The following CD99 variants were observed in gnomAD, a reference collection of about 807,000 sequenced individuals.
CD99 encodes CD99 antigen.
Under a neutral mutation model 28.4 loss-of-function variants are expected in CD99, and 19 were observed. The ratio of observed to expected loss-of-function variants is 0.67; its 90% confidence interval spans 0.47 to 0.98. The LOEUF is 0.98. Among genes scored for constraint, CD99 ranks in the 50% least tolerant of loss-of-function variants. CD99 has a pLI of 0.00. For missense variants in CD99, 283 were observed against 248.8 expected, an observed-to-expected ratio of 1.14 and a Z score of -0.92; for synonymous variants, 103 against 92.1, an observed-to-expected ratio of 1.12 and a Z score of -0.67.
intron 8 of CD99, among the ~76,000 whole-genome samples, chrX:2,734,892 C>T (rs993985598): frequency 1.5e-4 from 23 of 151,476 alleles, no homozygotes; most frequent in African/African-American, 5.6e-4. Flanking sequence ...TATGGTTGAG[C>T]CGTAGTTCTA....
At chrX:2,702,125 C>G (rs2047891392) in intron 1 of CD99, among the ~76,000 whole-genome samples, 1 of 152,164 alleles carries the variant, frequency 6.6e-6, no homozygotes, top group South Asian at 2.1e-4. Context: ...CAGATCACCT[C>G]TGGTAATACT....
intron 1 of CD99, among the ~76,000 whole-genome samples, chrX:2,695,559 A>G (rs2124460274): frequency 6.6e-6 from 1 of 151,962 alleles, no homozygotes; most frequent in African/African-American, 2.4e-5. Context: ...CTACAAGCAC[A>G]CACCACTGTG....
At chrX:2,727,269 T>G (rs1432919099) in intron 8 of CD99, 1 of 777,884 alleles carries the variant, frequency 1.3e-6, no homozygotes, top group South Asian at 1.4e-5. Context: ...GAGGAGGACG[T>G]ACTCACCATT....
rs1026867877 is a variant in CD99, at chrX:2,741,069, G to A, written c.*265G>A. On this transcript the variant is annotated 3_prime_UTR_variant, in exon 10 of 10. Transcript: ENST00000381192. Reference sequence around the variant, plus strand: ...GGCGGTTTCCCATGGGATGTGAAAGGCTGGCCATTATTAAGTCCCTGTAAC... The same window carrying A: ...GGCGGTTTCCCATGGGATGTGAAAGACTGGCCATTATTAAGTCCCTGTAAC... The A allele has an allele frequency of 3.7e-6, 2 of 534,272 alleles. No homozygotes were observed. The highest frequency in any genetic ancestry group is 3.8e-5 in the African/African-American group (2 of 52,610). The allele number at this position is 534,272 out of a possible 1,614,324, so 33.1% of individuals were successfully genotyped here.
chrX:2,704,249 A>G (rs1486934733), intron 1 of CD99, among the ~76,000 whole-genome samples: 2 of 152,136 alleles, frequency 1.3e-5, no homozygotes, highest in Non-Finnish European at 2.9e-5. Flanking sequence ...CGAACAAAAG[A>G]AAGTTTCCCA....
chrX:2,718,730 G>T (rs1409913671), intron 3 of CD99, among the ~76,000 whole-genome samples: 1 of 152,134 alleles, frequency 6.6e-6, no homozygotes, highest in Non-Finnish European at 1.5e-5. Context: ...ATTGCCCAAG[G>T]GTCAACCCCA....
At chrX:2,693,186 A>G (rs2047415226) in intron 1 of CD99, among the ~76,000 whole-genome samples, 1 of 150,932 alleles carries the variant, frequency 6.6e-6, no homozygotes, top group Admixed American at 6.6e-5. Context: ...CTCTGTCACC[A>G]GTCTGGAGTG....
chrX:2,728,349 C>G (rs1465971059), intron 8 of CD99, among the ~76,000 whole-genome samples: 1 of 151,882 alleles, frequency 6.6e-6, no homozygotes, highest in Non-Finnish European at 1.5e-5. Context: ...ATGTGCACCA[C>G]CACGCACAGC....
intron 8 of CD99, among the ~76,000 whole-genome samples, chrX:2,728,196 GT>G (rs2049392767): frequency 7.8e-6 from 1 of 128,394 alleles, no homozygotes; most frequent in East Asian, 2.1e-4. Context: ...GTGTTTGGTT[GT>G]TTCTTTTTTT....
rs1476624001 is a variant in CD99, at chrX:2,691,382, G to C, written c.22G>C (p.Ala8Pro). ...CACCATGGCCCGCGGGGCTGCGCTG[G>C]CGCTGCTGCTCTTCGGCCTGCTGGG... MARGAAL[A>P]LLLFGLLGVL... Residue 8 changes from alanine (A) to proline (P), a missense_variant, in exon 1 of 10, where the codon GCG (alanine) becomes CCG (proline). Physicochemically the swap from Ala to Pro is conservative, Grantham distance 27. Transcript: ENST00000381192. 5.1e-6 allele frequency: 8 copies of C among 1,579,366 alleles called. No individual in the cohort carries two copies. Among genetic ancestry groups the C allele is most frequent in the Middle Eastern group, 2.3e-4 (1 of 4,420 alleles).
chrX:2,693,236 T>C (rs1275047152), intron 1 of CD99, among the ~76,000 whole-genome samples: 1 of 151,208 alleles, frequency 6.6e-6, no homozygotes, highest in Non-Finnish European at 1.5e-5. Context: ...GCACAGTTTT[T>C]AAACCCACAG....
intron 8 of CD99, chrX:2,737,988 C>T: frequency 1.4e-6 from 1 of 716,016 alleles, no homozygotes; most frequent in Non-Finnish European, 2.6e-6. Flanking sequence ...TCATCTCTGC[C>T]TGTGCCATGC....
chrX:2,715,554 C>G (rs182839988), intron 2 of CD99: 2 of 152,332 alleles, frequency 1.3e-5, no homozygotes, highest in East Asian at 1.9e-4. Context: ...CCACTCTACT[C>G]CAGGATTATC....
intron 8 of CD99, among the ~76,000 whole-genome samples, chrX:2,726,614 T>C (rs1175488162): frequency 1.3e-5 from 2 of 152,206 alleles, no homozygotes; most frequent in Non-Finnish European, 2.9e-5. Flanking sequence ...TTGGGTTGTT[T>C]ACGTCTACCA....
intron 8 of CD99, 142 bp downstream of exon 8, chrX:2,726,515 G>T (rs2049293052): frequency 1.4e-6 from 1 of 707,356 alleles, no homozygotes; most frequent in African/African-American, 1.7e-5. Flanking sequence ...CTAAAATTCT[G>T]GAATCGAACC....
In CD99 at chrX:2,720,293, C is replaced by T. The variant is rs934349556; in HGVS notation, c.194-63C>T. 1.2e-5 allele frequency: 18 copies of T among 1,454,668 alleles called. No homozygotes were observed. In the African/African-American group the frequency reaches 1.4e-4, roughly 11 times the overall value. The allele number at this position is 1,454,668 out of a possible 1,614,324, so 90.1% of individuals were successfully genotyped here. A position where few individuals can be genotyped will look rare whatever the true frequency, so the allele number is the denominator to read the frequency against. On this transcript the variant is annotated intron_variant, in intron 4 of 9. Transcript: ENST00000381192. ...GTTCAGGGAACCATCTGTGTGTAAA[C>T]TGATGTTTCATTTTCTTTACTGCAA...
rs1246643378 is a variant in CD99, at chrX:2,741,208, TTAAAA to T, written c.*408_*412del. 7.7e-5 allele frequency: 16 copies of T among 207,764 alleles called. No homozygotes were observed. The highest frequency in any genetic ancestry group is 1.6e-3 in the Middle Eastern group (1 of 618). The allele number at this position is 207,764 out of a possible 1,614,324, so 12.9% of individuals were successfully genotyped here. ...CCTGGTAGCCCCGACTTCTTTTTAA[TTAAAA>T]TAAGGTAAGCCCTTCAATTTGTTTC... On this transcript the variant is annotated 3_prime_UTR_variant, in exon 10 of 10. Transcript: ENST00000381192.
chrX:2,730,917 G>A (rs2049565496), intron 8 of CD99, among the ~76,000 whole-genome samples: 1 of 120,634 alleles, frequency 8.3e-6, no homozygotes, highest in Non-Finnish European at 1.7e-5. Context: ...ACAACAGAGT[G>A]AGACTCTGTC....
intron 8 of CD99, among the ~76,000 whole-genome samples, chrX:2,734,183 C>G (rs780490178): frequency 1.8e-4 from 27 of 151,952 alleles, no homozygotes; most frequent in African/African-American, 6.3e-4. Flanking sequence ...AACTTGTTTT[C>G]TTTCTTTTAC....
Sources: gnomAD v4.1 joint callset for allele counts (sites outside exome capture counted in the v4.1 genomes callset) on GRCh38, gnomAD v4.1.1 for gene constraint, MANE v1.5 for transcripts, NCBI Gene and HGNC (gene_info 2026-07-23, HGNC 2026-07-21) for gene names.